The following SERPINB12 variants were observed in gnomAD, a reference collection of about 807,000 sequenced individuals.
SERPINB12 encodes serpin family B member 12.
In SERPINB12, 57 loss-of-function variants were observed where a neutral mutation model predicts 41.1. The ratio of observed to expected loss-of-function variants is 1.39; its 90% CI spans 1.12 to 1.73. The LOEUF is 1.73. SERPINB12 is among the 40% of genes most tolerant of loss of function. The probability of loss-of-function intolerance (pLI) is 0.00; values close to 1 mark genes in which losing one functional copy is unlikely to be tolerated. For synonymous variants in SERPINB12, 180 were observed against 181.3 expected (o/e 0.99, Z 0.06); for missense variants, 536 against 501.9 (o/e 1.07, Z -0.65).
At chr18:63,555,326 A>G (rs991435639) in intron 1 of SERPINB12, among the ~76,000 whole-genome samples, 4 of 152,172 alleles carry the variant, frequency 2.6e-5, no homozygotes, top group African/African-American at 9.6e-5. Context: ...TCACAGAGCA[A>G]TGAGGGGAGA....
chr18:63,534,691 C>T, the SERPINB12 span, among the ~76,000 whole-genome samples: 1 of 152,062 alleles, frequency 6.6e-6, no homozygotes, highest in Non-Finnish European at 1.5e-5. Context: ...GTACTCATTT[C>T]CATTCTAATA....
Position 63,561,184 on chromosome 18 carries a change from G to A in SERPINB12, c.544G>A (p.Val182Ile), listed in dbSNP as rs1166286598. 2.5e-6 allele frequency: 4 copies of A among 1,605,792 alleles called. No homozygotes were observed. The highest frequency in any genetic ancestry group is 3.3e-5 in the Admixed American group (2 of 59,844). ...ATCCAGACAAGAGATTAACTTCTGG[G>A]TTGAATGTCAATCCCAAGGTAAGAA... is the stretch of plus-strand genomic sequence containing the variant. ...EKSRQEINFW[V>I]ECQSQGKIKE... The change falls in exon 5 of 8, where the codon GTT becomes ATT. Residue 182 changes from valine (V) to isoleucine (I), a missense_variant. By Grantham distance (29) the Val-to-Ile change is conservative. Coordinates refer to ENST00000382768, the MANE Select transcript of SERPINB12 (RefSeq NM_001307928.2).
chr18:63,523,397 G>A, the SERPINB12 span, among the ~76,000 whole-genome samples: 1 of 152,174 alleles, frequency 6.6e-6, no homozygotes. Flanking sequence ...AAAAGGTAAA[G>A]AAACAAACCT....
chr18:63,520,897 C>G, the SERPINB12 span, among the ~76,000 whole-genome samples: 1 of 152,162 alleles, frequency 6.6e-6, no homozygotes, highest in Non-Finnish European at 1.5e-5. Flanking sequence ...TTCGCAGTAG[C>G]CTTGCAATAG....
At chr18:63,530,471 G>T in the SERPINB12 span, among the ~76,000 whole-genome samples, 42 of 152,124 alleles carry the variant, frequency 2.8e-4, no homozygotes, top group African/African-American at 9.9e-4. Context: ...AGCAGAGGAA[G>T]AACTTCCTTC....
At chr18:63,546,327 G>A (rs1910386964) in intron 1 of SERPINB12, among the ~76,000 whole-genome samples, 1 of 152,190 alleles carries the variant, frequency 6.6e-6, no homozygotes, top group South Asian at 2.1e-4. Flanking sequence ...CATGTTTACA[G>A]TCAGTAACAT....
chr18:63,555,760 A>G (rs2144330955), intron 1 of SERPINB12, among the ~76,000 whole-genome samples: 1 of 152,276 alleles, frequency 6.6e-6, no homozygotes, highest in East Asian at 1.9e-4. Flanking sequence ...GGCAACCACC[A>G]CAAGCTGAGA....
Position 63,566,667 on chromosome 18 carries a change from G to A in SERPINB12, c.934G>A (p.Glu312Lys). The change falls in exon 8 of 8, where the codon GAA becomes AAA. Residue 312 changes from glutamate to lysine, a missense_variant. Glu to Lys is a moderately conservative substitution (Grantham distance 56). Transcript: ENST00000382768. ...VAWSSSENMS[E>K]ESVVLSFPRF... ...CTGGAGCAGCTCAGAAAACATGTCA[G>A]AAGAATCGGTGGTCCTGTCCTTCCC... 1.9e-6 allele frequency: 3 copies of A among 1,614,012 alleles called. No individual in the cohort carries two copies. The highest frequency in any genetic ancestry group is 2.5e-6 in the Non-Finnish European group (3 of 1,179,976).
At chr18:63,529,198 G>C in the SERPINB12 span, among the ~76,000 whole-genome samples, 1 of 152,170 alleles carries the variant, frequency 6.6e-6, no homozygotes, top group Non-Finnish European at 1.5e-5. Context: ...TATTCAAAGA[G>C]GTTCAGGCAA....
Position 63,561,166 on chromosome 18 carries a change from C to T in SERPINB12, c.526C>T (p.Gln176Ter), listed in dbSNP as rs1910896327. ...DFQKNPEKSR[Q>*]EINFWVECQS... ...CCAAAAAAACCCTGAAAAATCCAGA[C>T]AAGAGATTAACTTCTGGGTTGAATG... is the stretch of plus-strand genomic sequence containing the variant. The change falls in exon 5 of 8, where the codon CAA (glutamine) becomes TAA (stop). Residue 176 changes from glutamine (Q) to a stop codon, truncating the protein, a stop_gained. Transcript: ENST00000382768. LOFTEE classifies it high-confidence loss of function. 1 of 1,612,168 alleles carries T rather than the reference C, an allele frequency of 6.2e-7. No homozygotes were observed. The highest frequency in any genetic ancestry group is 8.5e-7 in the Non-Finnish European group (1 of 1,178,354).
intron 5 of SERPINB12, among the ~76,000 whole-genome samples, chr18:63,563,699 C>T (rs183098126): frequency 6.6e-6 from 1 of 152,114 alleles, no homozygotes; most frequent in East Asian, 1.9e-4. Context: ...GAGCTCAAGA[C>T]CAGCCTGGCC....
At chr18:63,559,030 C>CTTT (rs1555675604) in intron 3 of SERPINB12, among the ~76,000 whole-genome samples, 1 of 70,158 alleles carries the variant, frequency 1.4e-5, no homozygotes, top group African/African-American at 4.1e-5. Flanking sequence ...TTCTTTCTTT[C>CTTT]TTTCTTTCTT....
chr18:63,560,681 T>C (rs1910873927), intron 4 of SERPINB12, among the ~76,000 whole-genome samples: 1 of 152,212 alleles, frequency 6.6e-6, no homozygotes, highest in African/African-American at 2.4e-5. Context: ...ACTTTTTTTT[T>C]CATCACTCTA....
In SERPINB12 at chr18:63,566,619, A is replaced by G. The variant is rs1333474837; in HGVS notation, c.886A>G (p.Ile296Val). The G allele has an allele frequency of 6.2e-7, 1 of 1,606,308 alleles. No individual in the cohort carries two copies. The highest frequency in any genetic ancestry group is 1.7e-5 in the Admixed American group (1 of 58,246). The change falls in exon 8 of 8, where the codon ATC becomes GTC. Residue 296 changes from isoleucine (I) to valine (V), a missense_variant. Coordinates refer to ENST00000382768, the MANE Select transcript of SERPINB12 (RefSeq NM_001307928.2). ...CTTCCTCTTGTAGCTTGAAAGGAAA[A>G]TCACCTATGAAAAAATGGTGGCCTG... is the stretch of plus-strand genomic sequence containing the variant. ...LKGLEELERK[I>V]TYEKMVAWSS...
chr18:63,544,822 GA>G, intron 1 of SERPINB12, among the ~76,000 whole-genome samples: 1 of 152,170 alleles, frequency 6.6e-6, no homozygotes, highest in East Asian at 1.9e-4. Context: ...TAAACATCAG[GA>G]AAACTGTCTG....
At position 63,542,460 on chromosome 18, in the gene SERPINB12, C is replaced by A. The variant is rs930285121; in HGVS notation, c.-51C>A. Among the ~76,000 whole-genome samples, 3 of 152,168 alleles carry A rather than the reference C, an allele frequency of 2.0e-5. No homozygotes were observed. The highest frequency in any genetic ancestry group is 4.4e-5 in the Non-Finnish European group (3 of 68,038). On this transcript the variant is annotated 5_prime_UTR_variant, in exon 1 of 8. Coordinates refer to ENST00000382768, the MANE Select transcript of SERPINB12 (RefSeq NM_001307928.2). ...TGAATTGACTTTATCAGAGCACAGA[C>A]CTTAGCTGGGGACAGCCCTCACTGG...
rs1315830734 is a variant in SERPINB12 at position 63,565,716 on chromosome 18, G to C, written c.873+104G>C. The C allele has an allele frequency of 3.5e-5, 31 of 877,636 alleles. No homozygotes were observed. The East Asian group carries it at 5.8e-4, about 16-fold the overall frequency. 54.4% of individuals were successfully genotyped at this position (877,636 alleles called of 1,614,324 possible). On this transcript the variant is annotated intron_variant, in intron 7 of 7. Transcript: ENST00000382768. The stretch of plus-strand genomic sequence containing the variant: ...CTCGAGGAAATTCAGTACCTCAGCT[G>C]TCAGAGACATCAAGGAATGTGTAAG...
At chr18:63,547,016 G>A (rs1048339576) in intron 1 of SERPINB12, among the ~76,000 whole-genome samples, 13 of 152,158 alleles carry the variant, frequency 8.5e-5, no homozygotes, top group African/African-American at 3.1e-4. Context: ...CATTTTAAAG[G>A]ATAGAAACCC....
rs200813197 is a variant in SERPINB12, at chr18:63,559,681, A to G, written c.407A>G (p.Asn136Ser). ...ACTGATTACACACTGAGTATTGCCA[A>G]CAGGCTTTATGGAGAGCAGGAATTC... ...IKTDYTLSIA[N>S]RLYGEQEFPI... is the part of the protein sequence containing the mutation. Residue 136 changes from asparagine (N) to serine (S), a missense_variant, in exon 4 of 8, where the codon AAC becomes AGC. Transcript: ENST00000382768. The G allele has an allele frequency of 5.0e-6, 8 of 1,614,138 alleles. No individual in the cohort carries two copies. The East Asian group carries it at 6.7e-5, about 13-fold the overall frequency.
Sources: gnomAD v4.1 joint callset for allele counts (sites outside exome capture counted in the v4.1 genomes callset) on GRCh38, gnomAD v4.1.1 for gene constraint, MANE v1.5 for transcripts, NCBI Gene and HGNC (gene_info 2026-07-23, HGNC 2026-07-21) for gene names.